The following MKLN1 variants were observed in gnomAD, a reference collection of about 807,000 sequenced individuals.
MKLN1 encodes muskelin.
A neutral mutation model predicts 99.0 loss-of-function variants in MKLN1; 18 were observed. The ratio of observed to expected loss-of-function variants is 0.18; its 90% CI spans 0.13 to 0.27. The LOEUF is 0.27. Among genes scored for constraint, MKLN1 ranks in the 10% least tolerant of loss-of-function variants. The pLI is 1.00. For missense variants in MKLN1, 621 were observed against 875.9 expected (o/e 0.71, Z 3.67); for synonymous variants, 288 against 293.2 (o/e 0.98, Z 0.18).
At chr7:131,466,153 G>A (rs1446333340) in intron 14 of MKLN1, 123 bp from the exon 15 acceptor site, 3 of 612,926 alleles carry the variant, frequency 4.9e-6, no homozygotes, top group East Asian at 6.1e-5. Flanking sequence ...TGGTAAAAAT[G>A]CAGTATAATT....
intron 3 of MKLN1, among the ~76,000 whole-genome samples, chr7:131,289,523 G>T (rs993642859): frequency 1.3e-5 from 2 of 152,072 alleles, no homozygotes; most frequent in African/African-American, 4.8e-5. Flanking sequence ...TAAGCTACAG[G>T]ATCTAGTACC....
At chr7:131,312,549 A>G (rs1348366243) in intron 3 of MKLN1, among the ~76,000 whole-genome samples, 4 of 152,210 alleles carry the variant, frequency 2.6e-5, no homozygotes, top group Non-Finnish European at 5.9e-5. Flanking sequence ...CAAACCTTTT[A>G]CAACTTGCTT....
At chr7:131,416,772 A>C (rs463512) in intron 8 of MKLN1, among the ~76,000 whole-genome samples, 1 of 151,974 alleles carries the variant, frequency 6.6e-6, no homozygotes, top group African/African-American at 2.4e-5. Flanking sequence ...CCTTGATCCC[A>C]CAAGTTCAAG....
At position 131,253,909 on chromosome 7, in the gene MKLN1, C is replaced by T. The variant is rs560870676; in HGVS notation, c.-179+50935C>T. ...TACCAGGGAGAACCAGGGAAAGAGACAGCTAAGAAGAGCCATCCTGAGGTC... is the reference window on the plus strand; with the variant it reads ...TACCAGGGAGAACCAGGGAAAGAGATAGCTAAGAAGAGCCATCCTGAGGTC... On this transcript the variant is annotated intron_variant, in intron 3 of 7. Coordinates refer to the MKLN1 transcript ENST00000416992. 7.2e-5 allele frequency among the ~76,000 whole-genome samples: 11 copies of T among 152,308 alleles called. No homozygotes were observed. In the South Asian group the frequency reaches 1.7e-3, roughly 23 times the overall value.
At chr7:131,325,493 C>T (rs1252309149), upstream of MKLN1, among the ~76,000 whole-genome samples, 1 of 152,020 alleles carries the variant, frequency 6.6e-6, no homozygotes, top group Non-Finnish European at 1.5e-5. Context: ...CCCAGGAGTT[C>T]AAGACCAGCC....
chr7:131,414,887 T>C (rs1329528357), intron 8 of MKLN1, among the ~76,000 whole-genome samples, 177 bp downstream of exon 8: 1 of 151,776 alleles, frequency 6.6e-6, no homozygotes, highest in Non-Finnish European at 1.5e-5. Flanking sequence ...TGTGTGTATG[T>C]GTCTAGTTTA....
At chr7:131,218,517 T>C (rs1258426803) in intron 3 of MKLN1, among the ~76,000 whole-genome samples, 1 of 152,214 alleles carries the variant, frequency 6.6e-6, no homozygotes, top group Non-Finnish European at 1.5e-5. Flanking sequence ...CATAATTAGC[T>C]TGGAATGAGC....
intron 3 of MKLN1, among the ~76,000 whole-genome samples, chr7:131,269,483 T>G (rs1797854132): frequency 6.6e-6 from 1 of 152,250 alleles, no homozygotes; most frequent in Non-Finnish European, 1.5e-5. Context: ...ACCTAATCAC[T>G]TCTCAAAGGC....
chr7:131,214,249 T>C (rs1796946796), intron 3 of MKLN1, among the ~76,000 whole-genome samples: 1 of 152,194 alleles, frequency 6.6e-6, no homozygotes, highest in Non-Finnish European at 1.5e-5. Context: ...CCATAGTGCA[T>C]AGTCTAAGCC....
At chr7:131,201,105 C>T (rs915123559) in intron 2 of MKLN1, among the ~76,000 whole-genome samples, 2 of 152,096 alleles carry the variant, frequency 1.3e-5, no homozygotes, top group Non-Finnish European at 2.9e-5. Flanking sequence ...CTGCAACCTT[C>T]GCCTCCTGAA....
At chr7:131,219,309 A>C (rs1797028851) in intron 3 of MKLN1, among the ~76,000 whole-genome samples, 1 of 152,026 alleles carries the variant, frequency 6.6e-6, no homozygotes, top group Non-Finnish European at 1.5e-5. Context: ...ATATAATAGT[A>C]GGCACTTGAT....
intron 3 of MKLN1, chr7:131,285,081 T>C (rs982306944): frequency 3.9e-5 from 6 of 152,302 alleles, no homozygotes; most frequent in South Asian, 2.1e-4. Flanking sequence ...AGGGTGAGGA[T>C]GGGGAACCGT....
chr7:131,157,199 G>A (rs1478231106), intron 2 of MKLN1, among the ~76,000 whole-genome samples: 17 of 152,222 alleles, frequency 1.1e-4, no homozygotes, highest in Admixed American at 1.1e-3. Context: ...GGGCAACATG[G>A]TGAAGCCCTG....
intron 15 of MKLN1, among the ~76,000 whole-genome samples, chr7:131,467,213 TTGAGCC>T (rs997994034): frequency 2.0e-5 from 3 of 152,190 alleles, no homozygotes; most frequent in Admixed American, 2.0e-4. Flanking sequence ...GAGCCAGGAT[TTGAGCC>T]TGAGCGTTCT....
intron 12 of MKLN1, among the ~76,000 whole-genome samples, chr7:131,458,646 T>A (rs1232743955): frequency 6.6e-6 from 1 of 152,150 alleles, no homozygotes; most frequent in Admixed American, 6.5e-5. Flanking sequence ...TTATATCTCA[T>A]GCCATCTTCT....
intron 2 of MKLN1, among the ~76,000 whole-genome samples, chr7:131,201,622 G>A (rs185513392): frequency 1.3e-5 from 2 of 152,220 alleles, no homozygotes; most frequent in Admixed American, 1.3e-4. Flanking sequence ...ATCTACTTTG[G>A]TGCCAAATGC....
At chr7:131,484,816 T>G (rs185296865) in intron 17 of MKLN1, among the ~76,000 whole-genome samples, 2 of 152,110 alleles carry the variant, frequency 1.3e-5, no homozygotes, top group East Asian at 3.9e-4. Flanking sequence ...AGAACTCTTA[T>G]GTATTTTAAG....
At chr7:131,460,128 C>T (rs1296712705) in intron 12 of MKLN1, among the ~76,000 whole-genome samples, 2 of 152,126 alleles carry the variant, frequency 1.3e-5, no homozygotes, top group Middle Eastern at 3.2e-3. Flanking sequence ...TTGTTTTGCA[C>T]ATGAAATATT....
chr7:131,190,533 G>A (rs1796519654), intron 2 of MKLN1, among the ~76,000 whole-genome samples: 1 of 150,898 alleles, frequency 6.6e-6, no homozygotes, highest in African/African-American at 2.4e-5. Context: ...ATATTCTTTA[G>A]CTCTAAACTA....
Sources: gnomAD v4.1 joint callset for allele counts (sites outside exome capture counted in the v4.1 genomes callset) on GRCh38, gnomAD v4.1.1 for gene constraint, MANE v1.5 for transcripts, NCBI Gene and HGNC (gene_info 2026-07-23, HGNC 2026-07-21) for gene names.